Variants in DNM3 observed in about 807,000 individuals in gnomAD.
DNM3 encodes dynamin 3, also known as dynamin-3.
DNM3 carries 47 observed loss-of-function variants against 101.6 expected under a neutral mutation model. The ratio of observed to expected loss-of-function variants is 0.46; its 90% CI spans 0.37 to 0.59. DNM3 has a LOEUF of 0.59. Among genes scored for constraint, DNM3 ranks in the 20% least tolerant of loss-of-function variants. The pLI is 0.00. For missense variants in DNM3, 849 were observed against 1,085.7 expected (o/e 0.78, Z 3.06); for synonymous variants, 385 against 387.9 (o/e 0.99, Z 0.09).
chr1:172,241,836 A>C (rs1200806322), intron 14 of DNM3, among the ~76,000 whole-genome samples: 1 of 152,176 alleles, frequency 6.6e-6, no homozygotes, highest in Non-Finnish European at 1.5e-5. Flanking sequence ...GCATGACTAC[A>C]TCTGATTGGC....
At chr1:172,309,245 T>C (rs1228381386) in intron 16 of DNM3, 1 of 160,968 alleles carries the variant, frequency 6.2e-6, no homozygotes, top group Non-Finnish European at 1.3e-5. Context: ...TTAATAAAAA[T>C]CTATCCCCTT....
At chr1:172,113,464 A>G (rs1386640639) in intron 13 of DNM3, among the ~76,000 whole-genome samples, 1 of 151,938 alleles carries the variant, frequency 6.6e-6, no homozygotes, top group African/African-American at 2.4e-5. Flanking sequence ...CTAGAAATAC[A>G]AAAAAATTAG....
chr1:172,414,522 C>T (rs1449981461), downstream of DNM3, among the ~76,000 whole-genome samples: 4 of 152,102 alleles, frequency 2.6e-5, no homozygotes, highest in Non-Finnish European at 5.9e-5. Flanking sequence ...ACTTATTTGA[C>T]CATAGAACAT....
Position 172,032,495 on chromosome 1 carries a change from G to A in DNM3, c.683G>A (p.Arg228His), listed in dbSNP as rs371154105. ...CTAGAGAACAAACTGTTGCCTCTTC[G>A]CAGGGGTAATGTACTGTGGTCTATA... is the stretch of plus-strand genomic sequence containing the variant. The part of the protein sequence containing the change: ...DVLENKLLPL[R>H]RGYVGVVNRS... Residue 228 changes from arginine to histidine, a missense_variant, in exon 5 of 21, where the codon CGC becomes CAC. Physicochemically the swap from Arg to His is conservative, Grantham distance 29. Around this residue, in one of 5 missense-constraint regions of DNM3, gnomAD observed 388 missense variants for 483.0 expected, o/e 0.80. Coordinates refer to ENST00000627582, the MANE Select transcript of DNM3 (RefSeq NM_015569.5). 3.5e-5 allele frequency: 55 copies of A among 1,562,202 alleles called. No homozygotes were observed. Among genetic ancestry groups the A allele is most frequent in the African/African-American group, 8.3e-5 (6 of 72,370 alleles).
intron 14 of DNM3, among the ~76,000 whole-genome samples, chr1:172,235,847 G>A (rs2061521632): frequency 6.6e-6 from 1 of 152,102 alleles, no homozygotes; most frequent in Non-Finnish European, 1.5e-5. Flanking sequence ...GCCTGTTTTG[G>A]GGTGGGGAGA....
chr1:172,366,036 C>G (rs1183407181), intron 17 of DNM3, among the ~76,000 whole-genome samples: 1 of 151,818 alleles, frequency 6.6e-6, no homozygotes, highest in East Asian at 1.9e-4. Flanking sequence ...TTGAGACCAG[C>G]CTGGGCAACA....
chr1:172,209,243 G>C (rs763757215), intron 14 of DNM3, among the ~76,000 whole-genome samples: 12 of 151,934 alleles, frequency 7.9e-5, no homozygotes, highest in Non-Finnish European at 1.6e-4. Flanking sequence ...ACAGCAAGAA[G>C]GTAGTTATCT....
At chr1:171,911,273 C>CTTTTTTTTTTTTTTT (rs151321245) in intron 1 of DNM3, among the ~76,000 whole-genome samples, 1 of 90,752 alleles carries the variant, frequency 1.1e-5, no homozygotes, top group Non-Finnish European at 2.0e-5. Context: ...ACCCCAACAT[C>CTTTTTTTTTTTTTTT]TTTTTTTTTT....
chr1:172,063,955 T>C (rs753476555), intron 10 of DNM3, among the ~76,000 whole-genome samples: 3 of 152,072 alleles, frequency 2.0e-5, no homozygotes, highest in Non-Finnish European at 2.9e-5. Flanking sequence ...ATATTTCCCA[T>C]TGGTTTTTAA....
chr1:172,274,837 A>G (rs951832525), intron 15 of DNM3, among the ~76,000 whole-genome samples: 8 of 151,562 alleles, frequency 5.3e-5, no homozygotes, highest in Non-Finnish European at 1.0e-4. Context: ...GTTCAGCAGC[A>G]CTCAAACTGG....
intron 14 of DNM3, among the ~76,000 whole-genome samples, chr1:172,186,800 G>A (rs1000111757): frequency 1.3e-5 from 2 of 152,046 alleles, no homozygotes; most frequent in Admixed American, 6.6e-5. Flanking sequence ...TAAGAACATC[G>A]TAGGAGTTAT....
intron 14 of DNM3, among the ~76,000 whole-genome samples, chr1:172,196,264 G>A (rs1010700582): frequency 1.2e-4 from 18 of 151,902 alleles, no homozygotes; most frequent in Admixed American, 1.1e-3. Context: ...ATAGTATTCC[G>A]TGGTGTATAT....
chr1:171,918,187 AC>A (rs2039873171), intron 1 of DNM3, among the ~76,000 whole-genome samples: 1 of 152,214 alleles, frequency 6.6e-6, no homozygotes, highest in African/African-American at 2.4e-5. Flanking sequence ...GGGAAAACAC[AC>A]TGTGGCTGTG....
intron 2 of DNM3, among the ~76,000 whole-genome samples, chr1:171,927,352 G>A (rs1195525989): frequency 6.6e-6 from 1 of 151,988 alleles, no homozygotes; most frequent in Admixed American, 6.5e-5. Flanking sequence ...TTTAAGTCCA[G>A]TAAGCCCAGT....
chr1:171,887,228 A>G (rs180928831), intron 1 of DNM3, among the ~76,000 whole-genome samples: 6 of 152,310 alleles, frequency 3.9e-5, no homozygotes, highest in Admixed American at 3.9e-4. Flanking sequence ...AAATCATCTA[A>G]TCTACTATCC....
chr1:172,246,958 T>C (rs1210457627), intron 14 of DNM3, among the ~76,000 whole-genome samples: 3 of 152,296 alleles, frequency 2.0e-5, no homozygotes, highest in Non-Finnish European at 2.9e-5. Flanking sequence ...TTGATCAACA[T>C]TATTATCTCT....
intron 14 of DNM3, among the ~76,000 whole-genome samples, chr1:172,241,071 A>G (rs993491218): frequency 7.9e-5 from 12 of 152,160 alleles, no homozygotes; most frequent in African/African-American, 2.9e-4. Context: ...GTAAAAGTTT[A>G]TGAACATGCA....
At chr1:172,341,268 T>C (rs1333925840) in intron 17 of DNM3, among the ~76,000 whole-genome samples, 3 of 152,198 alleles carry the variant, frequency 2.0e-5, no homozygotes, top group East Asian at 3.8e-4. Flanking sequence ...AATTCCATAC[T>C]TATGGATAGG....
At chr1:171,940,517 T>C (rs1300145103) in intron 2 of DNM3, among the ~76,000 whole-genome samples, 5 of 152,198 alleles carry the variant, frequency 3.3e-5, no homozygotes, top group Non-Finnish European at 7.4e-5. Context: ...ATGGGATTGT[T>C]TCCCTCAGTT....
Sources: allele counts gnomAD v4.1 joint callset (sites outside exome capture counted in the v4.1 genomes callset), GRCh38; gene constraint gnomAD v4.1.1; regional missense constraint gnomAD v4.1.1; transcripts MANE v1.5; gene names NCBI Gene and HGNC (gene_info 2026-07-23, HGNC 2026-07-21).